The following PIP4P2 variants were observed in gnomAD, a reference collection of about 807,000 sequenced individuals.
The protein encoded by PIP4P2 is phosphatidylinositol-4,5-bisphosphate 4-phosphatase 2.
A neutral mutation model predicts 33.3 loss-of-function variants in PIP4P2; 19 were observed. The ratio of observed to expected loss-of-function variants is 0.57; its 90% CI spans 0.40 to 0.84. PIP4P2 has a LOEUF of 0.84. PIP4P2 is among the 40% of genes least tolerant of loss of function. The pLI, the probability that PIP4P2 is intolerant of heterozygous loss-of-function variation, is 0.00. For missense variants in PIP4P2, 270 were observed against 324.7 expected, an observed-to-expected ratio of 0.83 and a Z score of 1.29; for synonymous variants, 110 against 111.9, an observed-to-expected ratio of 0.98 and a Z score of 0.11.
intron 3 of PIP4P2, chr8:91,018,736 TC>T (rs1206988060): frequency 4.2e-6 from 2 of 478,956 alleles, no homozygotes; most frequent in Admixed American, 6.9e-5. Flanking sequence ...ATAGCATTGG[TC>T]CTAATCAATG....
At chr8:91,037,223 C>A (rs913878875) in intron 1 of PIP4P2, among the ~76,000 whole-genome samples, 1 of 152,140 alleles carries the variant, frequency 6.6e-6, no homozygotes, top group Non-Finnish European at 1.5e-5. Context: ...CGGAGAATAT[C>A]CACCATACCT....
chr8:91,036,447 T>C (rs1330660388), intron 1 of PIP4P2, among the ~76,000 whole-genome samples: 1 of 152,188 alleles, frequency 6.6e-6, no homozygotes, highest in Non-Finnish European at 1.5e-5. Flanking sequence ...TGACGTTGCA[T>C]AGCCAGAATT....
chr8:91,028,146 G>A (rs910205015), intron 1 of PIP4P2, among the ~76,000 whole-genome samples: 1 of 152,220 alleles, frequency 6.6e-6, no homozygotes. Context: ...ACTTTTGGCA[G>A]TGGCTAATTG....
rs1324429263 is a variant in PIP4P2, at chr8:91,021,413, A to G, written c.107-9T>C. The G allele has an allele frequency of 3.1e-6, 5 of 1,612,872 alleles. No individual in the cohort carries two copies. The highest frequency in any genetic ancestry group is 1.7e-5 in the Admixed American group (1 of 59,906). On this transcript the variant is annotated splice_polypyrimidine_tract_variant and intron_variant, in intron 1 of 6. Transcript: ENST00000285419. ...TGGAGGTGGGAGCTCCGCTGAAAAG[A>G]TATTAGTCACTGAATCAGAGTCTTG... is the stretch of plus-strand genomic sequence containing the variant.
intron 5 of PIP4P2, among the ~76,000 whole-genome samples, chr8:90,998,671 C>T (rs1201151734): frequency 6.6e-6 from 1 of 151,988 alleles, no homozygotes; most frequent in East Asian, 1.9e-4. Flanking sequence ...GGAAAGGATT[C>T]CCTATTCAAT....
chr8:91,034,962 T>TC (rs1229023129), intron 1 of PIP4P2, among the ~76,000 whole-genome samples: 3 of 152,292 alleles, frequency 2.0e-5, no homozygotes, highest in Non-Finnish European at 4.4e-5. Flanking sequence ...TAAGACACTA[T>TC]CTCTAACCTT....
intron 5 of PIP4P2, among the ~76,000 whole-genome samples, chr8:91,006,262 G>C (rs1431005792): frequency 6.6e-6 from 1 of 152,176 alleles, no homozygotes; most frequent in African/African-American, 2.4e-5. Context: ...AATAAGTAAT[G>C]AATGCTCTGA....
chr8:91,018,345 C>A, intron 4 of PIP4P2, 45 bp downstream of exon 4: 1 of 1,613,004 alleles, frequency 6.2e-7, no homozygotes, highest in Non-Finnish European at 8.5e-7. Flanking sequence ...TCTGTAAGAT[C>A]ATGACCTATA....
At chr8:91,031,229 C>T (rs1812158929) in intron 1 of PIP4P2, among the ~76,000 whole-genome samples, 1 of 152,086 alleles carries the variant, frequency 6.6e-6, no homozygotes. Context: ...TTGGAAAATG[C>T]TTTTGTTACA....
chr8:91,040,793 C>A lies in PIP4P2; in HGVS notation c.-44G>T, dbSNP rs1214010904. On this transcript the variant is annotated 5_prime_UTR_variant, in exon 1 of 7. Coordinates refer to ENST00000285419, the MANE Select transcript of PIP4P2 (RefSeq NM_018710.3). ...GCCTGGGGAGGCCGAGCCGGGGTTG[C>A]GGCCTCGGCGGAGTGGTGGCTACTG... 1 of 1,577,766 alleles carries A rather than the reference C, an allele frequency of 6.3e-7. No individual in the cohort carries two copies. Among genetic ancestry groups the A allele is most frequent in the African/African-American group, 1.4e-5 (1 of 74,022 alleles).
At chr8:91,026,684 C>T (rs1419549430) in intron 1 of PIP4P2, among the ~76,000 whole-genome samples, 2 of 152,088 alleles carry the variant, frequency 1.3e-5, no homozygotes, top group South Asian at 4.1e-4. Context: ...TATCTTCTGA[C>T]CAATCCTGAC....
intron 5 of PIP4P2, among the ~76,000 whole-genome samples, chr8:91,007,079 C>T (rs1811773842): frequency 6.6e-6 from 1 of 152,100 alleles, no homozygotes. Flanking sequence ...TGAAAATACA[C>T]ATAATACCCA....
intron 1 of PIP4P2, among the ~76,000 whole-genome samples, chr8:91,037,701 AATT>A (rs1020655537): frequency 6.6e-6 from 1 of 152,162 alleles, no homozygotes; most frequent in Non-Finnish European, 1.5e-5. Flanking sequence ...CTGTATAACA[AATT>A]ATTATTTTCC....
intron 4 of PIP4P2, among the ~76,000 whole-genome samples, chr8:91,016,994 A>C (rs1466481019): frequency 6.6e-6 from 1 of 152,224 alleles, no homozygotes; most frequent in Admixed American, 6.5e-5. Context: ...AGCTGTGAAC[A>C]AAATTTACCT....
At chr8:91,008,860 C>T (rs1471589564) in intron 4 of PIP4P2, 65 bp from the exon 5 acceptor site, 14 of 1,390,102 alleles carry the variant, frequency 1.0e-5, no homozygotes, top group Non-Finnish European at 1.4e-5. Flanking sequence ...TCTGATAAGA[C>T]ATTTCTTTTA....
intron 4 of PIP4P2, among the ~76,000 whole-genome samples, chr8:91,017,376 G>A (rs1240874098): frequency 1.3e-5 from 2 of 151,948 alleles, no homozygotes; most frequent in African/African-American, 2.4e-5. Context: ...TCCAGCCTGG[G>A]CGACGGAGTG....
chr8:91,040,337 A>G (rs1268643594), intron 1 of PIP4P2, among the ~76,000 whole-genome samples: 7 of 152,110 alleles, frequency 4.6e-5, no homozygotes, highest in African/African-American at 1.7e-4. Context: ...AGCTTGGGAA[A>G]TTCATGTCAC....
In PIP4P2 at chr8:91,020,221, G is replaced by C. The variant is rs777763169; in HGVS notation, c.298C>G (p.Pro100Ala). The change falls in exon 3 of 7, where the codon CCT becomes GCT. Residue 100 changes from proline (P) to alanine (A), a missense_variant. Physicochemically the swap from Pro to Ala is conservative, Grantham distance 27. Transcript: ENST00000285419. ...TTACAAATGAGAAGACAATTACAAG[G>C]GCATCTAACATATTTCTTGCCTGTT... ...PPTGKKYVRC[P>A]CNCLLICKDT... 8.7e-6 allele frequency: 14 copies of C among 1,613,632 alleles called. No individual in the cohort carries two copies. The highest frequency in any genetic ancestry group is 3.3e-4 in the Middle Eastern group (2 of 6,082).
intron 2 of PIP4P2, among the ~76,000 whole-genome samples, chr8:91,020,838 C>T (rs1811998165): frequency 2.0e-5 from 3 of 152,102 alleles, no homozygotes; most frequent in Admixed American, 2.0e-4. Flanking sequence ...TAGTGACATC[C>T]TACAGACATA....
Sources: allele counts gnomAD v4.1 joint callset (sites outside exome capture counted in the v4.1 genomes callset), GRCh38; gene constraint gnomAD v4.1.1; transcripts MANE v1.5; gene names NCBI Gene and HGNC (gene_info 2026-07-23, HGNC 2026-07-21).